The following CHRDL2 variants were observed in gnomAD, a reference collection of about 807,000 sequenced individuals.
CHRDL2 encodes the protein chordin-like protein 2.
In CHRDL2, 41 loss-of-function variants were observed where a neutral mutation model predicts 54.3. The ratio of observed to expected loss-of-function variants is 0.76; its 90% confidence interval spans 0.59 to 0.98. The LOEUF is 0.98. CHRDL2 is among the 50% of genes least tolerant of loss of function. The pLI, the probability that CHRDL2 is intolerant of heterozygous loss-of-function variation, is 0.00. For missense variants in CHRDL2, 518 were observed against 562.4 expected (o/e 0.92, Z 0.80); for synonymous variants, 220 against 224.3 (o/e 0.98, Z 0.17).
In CHRDL2 at chr11:74,696,512, T is replaced by C. The variant is rs753232281; in HGVS notation, c.1287A>G (p.Thr429=). The part of the protein sequence containing the change: ...VTASPDKVTK[T] ...ATCTGCAACTGTTAGGTCTTTGTTATGTCTTGGTCACTTTGTCTGGACTGG... is the reference window on the plus strand; with the variant it reads ...ATCTGCAACTGTTAGGTCTTTGTTACGTCTTGGTCACTTTGTCTGGACTGG... Residue 429 remains threonine (T), a synonymous_variant, in exon 11 of 11, where the codon ACA becomes ACG. Transcript: ENST00000376332. 1 of 1,613,442 alleles carries C rather than the reference T, an allele frequency of 6.2e-7. No individual in the cohort carries two copies. The highest frequency in any genetic ancestry group is 2.2e-5 in the East Asian group (1 of 44,892).
intron 9 of CHRDL2, chr11:74,697,818 GAGGA>G (rs1162345731): frequency 3.3e-6 from 1 of 303,344 alleles, no homozygotes; most frequent in African/African-American, 2.2e-5. Flanking sequence ...GGCAGGAAGG[GAGGA>G]AGGAAGGTTG....
intron 1 of CHRDL2, 78 bp downstream of exon 1, chr11:74,730,729 G>T: frequency 1.5e-6 from 2 of 1,362,396 alleles, no homozygotes; most frequent in Non-Finnish European, 2.0e-6. Context: ...AGAGCTTGGG[G>T]TCCAGGTCCT....
Position 74,705,672 on chromosome 11 carries a change from G to A in CHRDL2, c.582+815C>T, listed in dbSNP as rs199907535. ...CTCAGCCTGGGTGGGTTTCACTTAC[G>A]CACTGCCTCCTAGGAAGAGGACAGG... On this transcript the variant is annotated intron_variant, in intron 6 of 10. Coordinates refer to ENST00000376332, the MANE Select transcript of CHRDL2 (RefSeq NM_001278473.3). Among the ~76,000 whole-genome samples, 12 of 152,302 alleles carry A rather than the reference G, an allele frequency of 7.9e-5. No homozygotes were observed. The East Asian group carries it at 1.9e-3, about 25-fold the overall frequency.
At chr11:74,698,213 GC>G (rs1453151717) in intron 9 of CHRDL2, 3 of 147,986 alleles carry the variant, frequency 2.0e-5, no homozygotes, top group East Asian at 4.0e-4. Context: ...ACAGGTGCCC[GC>G]CACCACACCT....
chr11:74,708,507 G>T, intron 4 of CHRDL2, 112 bp from the exon 5 acceptor site: 1 of 760,142 alleles, frequency 1.3e-6, no homozygotes, highest in Non-Finnish European at 2.0e-6. Flanking sequence ...CTCCTATGGT[G>T]GGGAGGGGAA....
intron 1 of CHRDL2, among the ~76,000 whole-genome samples, chr11:74,723,371 G>A (rs915116784): frequency 2.0e-5 from 3 of 152,172 alleles, no homozygotes; most frequent in African/African-American, 7.2e-5. Flanking sequence ...AAGACCCCCA[G>A]TGGATGCCTG....
Position 74,706,531 on chromosome 11 carries a change from C to T in CHRDL2, c.538G>A (p.Glu180Lys), listed in dbSNP as rs548288013. The stretch of plus-strand genomic sequence containing the variant: ...ACACTGTCCTCTTCATCCGATTGCT[C>T]ACTTGCCTCATCTGAAAACTCAAAG... ...CCQACKDEAS[E>K]QSDEEDSVQS... The change falls in exon 6 of 11, where the codon GAG becomes AAG. Residue 180 changes from glutamate (E) to lysine (K), a missense_variant. Transcript: ENST00000376332. 5 of 1,614,102 alleles carry T rather than the reference C, an allele frequency of 3.1e-6. No individual in the cohort carries two copies. The African/African-American group carries it at 4.0e-5, about 13-fold the overall frequency.
chr11:74,712,441 C>T (rs571040922), intron 3 of CHRDL2, among the ~76,000 whole-genome samples: 3 of 152,258 alleles, frequency 2.0e-5, no homozygotes, highest in African/African-American at 7.2e-5. Context: ...CCAAAGTCAG[C>T]AAGGAGAGGT....
chr11:74,698,282 C>T (rs1023609136), intron 9 of CHRDL2: 1 of 15,396 alleles, frequency 6.5e-5, no homozygotes, highest in Admixed American at 3.1e-4. Context: ...GCATGTAAGC[C>T]ATGCTAAACT....
intron 1 of CHRDL2, among the ~76,000 whole-genome samples, chr11:74,722,753 C>G (rs1318747377): frequency 6.6e-6 from 1 of 152,180 alleles, no homozygotes; most frequent in Non-Finnish European, 1.5e-5. Context: ...CTGCATTCTT[C>G]TAGCCCCACT....
intron 1 of CHRDL2, among the ~76,000 whole-genome samples, chr11:74,721,431 A>C (rs1308890089): frequency 6.6e-6 from 1 of 152,176 alleles, no homozygotes; most frequent in Non-Finnish European, 1.5e-5. Context: ...CCCAGGCAGG[A>C]GGCCCCTTCC....
intron 9 of CHRDL2, 67 bp from the exon 10 acceptor site, chr11:74,697,364 G>C: frequency 8.4e-7 from 1 of 1,187,564 alleles, no homozygotes; most frequent in Non-Finnish European, 1.3e-6. Context: ...AGTGAAACAG[G>C]GTGACTTAGC....
At chr11:74,711,425 T>C (rs2034189547) in intron 3 of CHRDL2, among the ~76,000 whole-genome samples, 1 of 152,204 alleles carries the variant, frequency 6.6e-6, no homozygotes, top group East Asian at 1.9e-4. Context: ...GGTTACATTC[T>C]AGTGGTGCCA....
chr11:74,709,521 G>A (rs2034117294), intron 4 of CHRDL2, among the ~76,000 whole-genome samples: 1 of 152,222 alleles, frequency 6.6e-6, no homozygotes, highest in South Asian at 2.1e-4. Context: ...TGACACAACA[G>A]ACTAGACCAC....
chr11:74,731,069 T>G lies in CHRDL2; in HGVS notation c.-181A>C, dbSNP rs2034646230. 8 of 587,154 alleles carry G rather than the reference T, an allele frequency of 1.4e-5. No homozygotes were observed. Among genetic ancestry groups the G allele is most frequent in the African/African-American group, 3.9e-5 (2 of 51,538 alleles). The allele number at this position is 587,154 out of a possible 1,614,324, so 36.4% of individuals were successfully genotyped here. ...CAGGAAAGGAGGGCAGGAAGGGAGGTCTAAGGTGGGAAGAAGAGAAAGGTG... is the reference window on the plus strand; with the variant it reads ...CAGGAAAGGAGGGCAGGAAGGGAGGGCTAAGGTGGGAAGAAGAGAAAGGTG... On this transcript the variant is annotated 5_prime_UTR_variant, in exon 1 of 11. Coordinates refer to ENST00000376332, the MANE Select transcript of CHRDL2 (RefSeq NM_001278473.3). This position sits in a 1 kb window ranked among gnomAD's most constrained non-coding sequence, Gnocchi z 4.4.
intron 6 of CHRDL2, among the ~76,000 whole-genome samples, chr11:74,705,393 A>G (rs759461533): frequency 1.3e-5 from 2 of 152,188 alleles, no homozygotes. Context: ...GGAGCCACAC[A>G]CATTCCTTCT....
chr11:74,697,238 G>A lies in CHRDL2; in HGVS notation c.1180C>T (p.Gln394Ter). Residue 394 changes from glutamine to a stop codon, truncating the protein, a stop_gained, in exon 10 of 11, where the codon CAG (glutamine) becomes TAG (stop). Coordinates refer to ENST00000376332, the MANE Select transcript of CHRDL2 (RefSeq NM_001278473.3). LOFTEE classifies it high-confidence loss of function. ...VRKQDFQKEA[Q>*]HFRLLAGPHE... ...GGGCCAGCGAGCAGTCGGAAGTGCT[G>A]TGCCTCTTTCTGGAAGTCTTGCTTC... 1 of 1,614,064 alleles carries A rather than the reference G, an allele frequency of 6.2e-7. No individual in the cohort carries two copies. Among genetic ancestry groups the A allele is most frequent in the South Asian group, 1.1e-5 (1 of 91,084 alleles).
intron 7 of CHRDL2, among the ~76,000 whole-genome samples, chr11:74,703,976 C>T (rs543713276): frequency 2.6e-5 from 4 of 152,196 alleles, no homozygotes; most frequent in Admixed American, 6.5e-5. Flanking sequence ...CTTCTGTGGC[C>T]ATGGCTGCCC....
intron 5 of CHRDL2, among the ~76,000 whole-genome samples, chr11:74,707,703 C>G (rs2034056574): frequency 6.6e-6 from 1 of 152,008 alleles, no homozygotes; most frequent in Non-Finnish European, 1.5e-5. Context: ...CAGCAGCCCC[C>G]CTGCACGGGC....
Sources: gnomAD v4.1 joint callset for allele counts (sites outside exome capture counted in the v4.1 genomes callset) on GRCh38, gnomAD v4.1.1 for gene constraint, Gnocchi (gnomAD v3.1) non-coding constraint, MANE v1.5 for transcripts, NCBI Gene and HGNC (gene_info 2026-07-23, HGNC 2026-07-21) for gene names.